The following ERICH1 variants were observed in gnomAD, a reference collection of about 807,000 sequenced individuals.
ERICH1 encodes glutamate-rich protein 1.
ERICH1 carries 56 observed loss-of-function variants against 39.6 expected under a neutral mutation model. The ratio of observed to expected loss-of-function variants is 1.41; its 90% CI spans 1.14 to 1.77. The LOEUF (loss-of-function observed/expected upper bound fraction) is 1.77. Among genes scored for constraint, ERICH1 ranks in the 40% most tolerant of loss-of-function variants. ERICH1 has a pLI of 0.00. For missense variants in ERICH1, 826 were observed against 575.4 expected (o/e 1.44, Z -4.45); for synonymous variants, 313 against 223.6 (o/e 1.40, Z -3.57).
At chr8:625,001 C>T (rs2117056903) in intron 3 of ERICH1, among the ~76,000 whole-genome samples, 2 of 152,280 alleles carry the variant, frequency 1.3e-5, no homozygotes, top group Middle Eastern at 6.8e-3. Context: ...CCTGGGATTA[C>T]AGGCGTGAGC....
At chr8:657,617 C>T (rs547693763) in intron 3 of ERICH1, among the ~76,000 whole-genome samples, 16 of 150,746 alleles carry the variant, frequency 1.1e-4, no homozygotes, top group African/African-American at 3.9e-4. Context: ...TGGGGAAATG[C>T]ATCATTGGCC....
intron 1 of ERICH1, among the ~76,000 whole-genome samples, chr8:717,106 C>G (rs1816192818): frequency 6.6e-6 from 1 of 152,190 alleles, no homozygotes; most frequent in South Asian, 2.1e-4. Context: ...AAGGTGGCTG[C>G]TCACTCAGAC....
intron 3 of ERICH1, among the ~76,000 whole-genome samples, chr8:685,863 G>A (rs1234752417): frequency 6.6e-6 from 1 of 151,874 alleles, no homozygotes; most frequent in Non-Finnish European, 1.5e-5. Context: ...TTCAATAACT[G>A]ACTGGGCACA....
At chr8:616,001 G>A (rs984680961) in intron 3 of ERICH1, 8 of 152,684 alleles carry the variant, frequency 5.2e-5, no homozygotes, top group African/African-American at 1.9e-4. Context: ...AAATGTAGAC[G>A]TTTGGGAACT....
At chr8:684,959 T>C (rs1319962925) in intron 3 of ERICH1, among the ~76,000 whole-genome samples, 2 of 152,210 alleles carry the variant, frequency 1.3e-5, no homozygotes, top group Non-Finnish European at 1.5e-5. Context: ...GAATTGCTGA[T>C]GAAGTTTCAT....
At chr8:668,141 G>T (rs549681529) in intron 5 of ERICH1, 1 of 242,806 alleles carries the variant, frequency 4.1e-6, no homozygotes, top group African/African-American at 2.3e-5. Flanking sequence ...CATGAGCACA[G>T]CTGCTCCAGC....
intron 3 of ERICH1, among the ~76,000 whole-genome samples, chr8:658,456 C>T (rs1025460126): frequency 2.6e-5 from 4 of 152,182 alleles, no homozygotes; most frequent in East Asian, 3.9e-4. Context: ...GAACACCTGG[C>T]ACTGTGGGCC....
At chr8:628,410 G>A (rs761280438) in intron 3 of ERICH1, among the ~76,000 whole-genome samples, 17 of 152,214 alleles carry the variant, frequency 1.1e-4, no homozygotes, top group East Asian at 1.9e-4. Flanking sequence ...AAACAGGACC[G>A]CTGTGATGGA....
intron 1 of ERICH1, among the ~76,000 whole-genome samples, chr8:726,111 G>C (rs2132462639): frequency 6.6e-6 from 1 of 152,276 alleles, no homozygotes; most frequent in African/African-American, 2.4e-5. Context: ...CCCCAACAGA[G>C]TCACCAGGCA....
chr8:656,137 G>C (rs535521517), intron 3 of ERICH1, among the ~76,000 whole-genome samples: 1 of 152,132 alleles, frequency 6.6e-6, no homozygotes, highest in Admixed American at 6.5e-5. Context: ...GAATGGCCTC[G>C]CTGCTGGCAC....
chr8:693,647 C>T (rs1193714329), intron 2 of ERICH1, among the ~76,000 whole-genome samples: 1 of 150,504 alleles, frequency 6.6e-6, no homozygotes, highest in Non-Finnish European at 1.5e-5. Context: ...AGGTCACCAC[C>T]ACCGTGGACG....
chr8:651,189 C>CA (rs2117319166), intron 3 of ERICH1, among the ~76,000 whole-genome samples: 1 of 152,312 alleles, frequency 6.6e-6, no homozygotes, highest in South Asian at 2.1e-4. Flanking sequence ...TTTTGGGCTT[C>CA]AGTTCACATC....
rs138048823 is a variant in ERICH1, at chr8:692,251, A to G, written c.304+227T>C. ...GGCTATAGTCATATTCCCACTTTCA[A>G]TCTCCTCCATATGAAGTCTTTTTTC... On this transcript the variant is annotated intron_variant, in intron 3 of 5. Transcript: ENST00000262109. Among the ~76,000 whole-genome samples, 862 of 152,276 alleles carry G rather than the reference A, an allele frequency of 5.7e-3. 6 individuals carry two copies. The highest frequency in any genetic ancestry group is 5.7e-3 in the Non-Finnish European group (388 of 68,020).
intron 1 of ERICH1, among the ~76,000 whole-genome samples, chr8:720,347 C>A (rs556866585): frequency 2.6e-5 from 4 of 152,180 alleles, no homozygotes; most frequent in Non-Finnish European, 5.9e-5. Flanking sequence ...CGATGAAGGA[C>A]GAGGACGCAT....
chr8:726,697 C>G (rs1401289366), intron 1 of ERICH1, among the ~76,000 whole-genome samples: 1 of 150,210 alleles, frequency 6.7e-6, no homozygotes, highest in Non-Finnish European at 1.5e-5. Context: ...CATACACAGG[C>G]ACACACATGT....
intron 3 of ERICH1, among the ~76,000 whole-genome samples, chr8:642,336 CTTTTTTTTTTTTTTT>C (rs33990765): frequency 3.3e-5 from 2 of 60,450 alleles, no homozygotes; most frequent in African/African-American, 1.4e-4. Context: ...ATGGTCTGGA[CTTTTTTTTTTTTTTT>C]TTTTTTTTTT....
At chr8:628,861 C>T (rs1797748048) in intron 3 of ERICH1, among the ~76,000 whole-genome samples, 1 of 152,176 alleles carries the variant, frequency 6.6e-6, no homozygotes, top group African/African-American at 2.4e-5. Flanking sequence ...TCTCCCAGCT[C>T]CCCTGCTGTG....
At chr8:726,197 T>G (rs1818595587) in intron 1 of ERICH1, among the ~76,000 whole-genome samples, 1 of 152,184 alleles carries the variant, frequency 6.6e-6, no homozygotes, top group Non-Finnish European at 1.5e-5. Context: ...AGCCAGCATC[T>G]TCAGCTCTGG....
chr8:640,007 G>C (rs1321915111), intron 3 of ERICH1, among the ~76,000 whole-genome samples: 1 of 152,222 alleles, frequency 6.6e-6, no homozygotes, highest in Non-Finnish European at 1.5e-5. Flanking sequence ...CACATGCCCT[G>C]TGTGTGCCCG....
Sources: gnomAD v4.1 joint callset for allele counts (sites outside exome capture counted in the v4.1 genomes callset) on GRCh38, gnomAD v4.1.1 for gene constraint, MANE v1.5 for transcripts, NCBI Gene and HGNC (gene_info 2026-07-23, HGNC 2026-07-21) for gene names.